Variants in SSH2 observed in about 807,000 individuals in gnomAD.
SSH2 encodes the protein protein phosphatase Slingshot homolog 2.
In SSH2, 37 loss-of-function variants were observed where a neutral mutation model predicts 135.2. That is an observed-to-expected ratio of 0.27 (90% confidence interval 0.21 to 0.36). The LOEUF is 0.36. Among genes scored for constraint, SSH2 ranks in the 10% least tolerant of loss-of-function variants. The pLI is 1.00. For missense variants in SSH2, 1,408 were observed against 1,765.3 expected, an observed-to-expected ratio of 0.80 and a Z score of 3.63; for synonymous variants, 628 against 646.2, an observed-to-expected ratio of 0.97 and a Z score of 0.43.
chr17:29,681,153 A>G (rs1378685268), intron 6 of SSH2, among the ~76,000 whole-genome samples: 1 of 151,678 alleles, frequency 6.6e-6, no homozygotes, highest in African/African-American at 2.4e-5. Flanking sequence ...CCTGGTCAAC[A>G]TGGTGAAACC....
At position 29,930,056 on chromosome 17, in the gene SSH2, G is replaced by T; in HGVS notation, c.-56C>A. 6.7e-7 allele frequency: 1 copy of T among 1,501,268 alleles called. No homozygotes were observed. The highest frequency in any genetic ancestry group is 1.9e-5 in the Admixed American group (1 of 51,594). The allele number at this position is 1,501,268 out of a possible 1,614,324, so 93.0% of individuals were successfully genotyped here. ...CATTCTTGTCCTGAGTGTGGGGGAC[G>T]GGAGGGTGACGGAGCCGGGATGGGG... On this transcript the variant is annotated 5_prime_UTR_variant, in exon 1 of 16. Transcript: ENST00000540801.
chr17:29,811,736 A>C (rs2042446305), intron 2 of SSH2, among the ~76,000 whole-genome samples: 1 of 151,810 alleles, frequency 6.6e-6, no homozygotes, highest in Admixed American at 6.6e-5. Context: ...GCCCAGCTAA[A>C]TTTTATTTTT....
intron 3 of SSH2, among the ~76,000 whole-genome samples, chr17:29,775,344 A>C (rs2041676701): frequency 6.8e-6 from 1 of 147,584 alleles, no homozygotes; most frequent in Non-Finnish European, 1.5e-5. Context: ...GCTGAAGTGC[A>C]CTGGCGCAAT....
At chr17:29,863,076 T>TA (rs2065792329) in intron 1 of SSH2, among the ~76,000 whole-genome samples, 1 of 151,966 alleles carries the variant, frequency 6.6e-6, no homozygotes, top group Non-Finnish European at 1.5e-5. Context: ...TGTTTTTTTT[T>TA]TAAAAAAAAG....
At chr17:29,901,888 A>T (rs2066563536) in intron 1 of SSH2, among the ~76,000 whole-genome samples, 1 of 151,994 alleles carries the variant, frequency 6.6e-6, no homozygotes, top group South Asian at 2.1e-4. Context: ...GGCTCAAATG[A>T]TCCTCTCACC....
chr17:29,726,334 G>C (rs1357920646), intron 3 of SSH2, among the ~76,000 whole-genome samples: 6 of 152,224 alleles, frequency 3.9e-5, no homozygotes, highest in Admixed American at 3.9e-4. Flanking sequence ...GGAAACAGTG[G>C]AGAGGGCTTC....
rs533836685 is a variant in SSH2 at position 29,629,579 on chromosome 17, C to A, written c.*1262G>T. 6.5e-6 allele frequency: 1 copy of A among 152,736 alleles called. No individual in the cohort carries two copies. The highest frequency in any genetic ancestry group is 1.9e-4 in the East Asian group (1 of 5,194). The allele number at this position is 152,736 out of a possible 1,614,324, so 9.5% of individuals were successfully genotyped here. On this transcript the variant is annotated 3_prime_UTR_variant, in exon 16 of 16. Coordinates refer to ENST00000540801, the MANE Select transcript of SSH2 (RefSeq NM_001282129.2). ...TGGTGTCTGTGTTTTCCAGTTGCAA[C>A]TCTACTCCTTCTTAAAAAGAATAAA...
In SSH2 at chr17:29,636,059, G is replaced by C; in HGVS notation, c.2171C>G (p.Ser724Cys). Residue 724 changes from serine (S) to cysteine (C), a missense_variant, in exon 15 of 16, where the codon TCC becomes TGC. This residue lies in a region of SSH2 where 1,080 missense variants were observed against 1,144.5 expected (regional missense o/e 0.94). Coordinates refer to ENST00000540801, the MANE Select transcript of SSH2 (RefSeq NM_001282129.2). The part of the protein sequence containing the change: ...CRLSVVEVAP[S>C]KVTADDQRSS... ...TCTCTGGTCATCAGCTGTCACTTTG[G>C]AAGGGGCTACTTCTACCACTGACAG... 1 of 1,614,176 alleles carries C rather than the reference G, an allele frequency of 6.2e-7. No homozygotes were observed.
Position 29,731,426 on chromosome 17 carries a change from TTTATTTATTTATTTA to T in SSH2, c.189-28379_189-28365del, listed in dbSNP as rs1567925264. ...TCATAGCAGAAGTATTTTTTATTTA[TTTATTTATTTATTTA>T]TTTATTTATTTATTTATTTATTTAT... is the stretch of plus-strand genomic sequence containing the variant. On this transcript the variant is annotated intron_variant, in intron 3 of 15. Coordinates refer to ENST00000540801, the MANE Select transcript of SSH2 (RefSeq NM_001282129.2). Among the ~76,000 whole-genome samples the T allele has an allele frequency of 2.8e-3, 248 of 89,602 alleles. 2 individuals are homozygous for T. The highest frequency in any genetic ancestry group is 6.3e-3 in the Middle Eastern group (1 of 158). The allele number at this position is 89,602 out of a possible 152,430, so 58.8% of individuals were successfully genotyped here. A position where few individuals can be genotyped will look rare whatever the true frequency, so the allele number is the denominator to read the frequency against.
intron 1 of SSH2, 65 bp downstream of exon 1, chr17:29,929,873 C>A: frequency 6.8e-7 from 1 of 1,466,252 alleles, no homozygotes; most frequent in Non-Finnish European, 9.3e-7. Context: ...TTCGGCGGGA[C>A]CCGCTGAGGC....
At chr17:29,909,275 C>T (rs2066721331) in intron 1 of SSH2, among the ~76,000 whole-genome samples, 1 of 151,982 alleles carries the variant, frequency 6.6e-6, no homozygotes, top group Non-Finnish European at 1.5e-5. Flanking sequence ...ACCTGTCCCC[C>T]TTTTTACTAA....
Position 29,718,550 on chromosome 17 carries a change from G to A in SSH2, c.189-15488C>T, listed in dbSNP as rs112706826. Among the ~76,000 whole-genome samples the A allele has an allele frequency of 2.8e-3, 424 of 152,082 alleles. 2 individuals carry two copies. The highest frequency in any genetic ancestry group is 9.7e-3 in the African/African-American group (403 of 41,500). ...GCTACAGTCCCGTCCTGGCTAACACGGTGAAACCTTGTCTCTACTAAAAAT... is the reference window on the plus strand; with the variant it reads ...GCTACAGTCCCGTCCTGGCTAACACAGTGAAACCTTGTCTCTACTAAAAAT... On this transcript the variant is annotated intron_variant, in intron 3 of 15. Coordinates refer to ENST00000540801, the MANE Select transcript of SSH2 (RefSeq NM_001282129.2).
chr17:29,901,291 AC>A (rs542641134), intron 1 of SSH2, among the ~76,000 whole-genome samples: 122 of 152,220 alleles, frequency 8.0e-4, no homozygotes, highest in South Asian at 1.5e-3. Context: ...TAAAAAAAAA[AC>A]AATGTTTTCT....
At chr17:29,686,534 T>G (rs533111846) in intron 5 of SSH2, among the ~76,000 whole-genome samples, 13 of 150,270 alleles carry the variant, frequency 8.7e-5, no homozygotes, top group Admixed American at 4.0e-4. Context: ...GCTAATTTTT[T>G]TTTTTTTTGT....
chr17:29,684,786 C>T, intron 5 of SSH2, 102 bp from the exon 6 acceptor site: 5 of 1,056,566 alleles, frequency 4.7e-6, no homozygotes, highest in Non-Finnish European at 5.4e-6. Context: ...CTCACGAAGG[C>T]AGCAGAGCCA....
At chr17:29,784,346 T>C (rs1405033961) in intron 3 of SSH2, among the ~76,000 whole-genome samples, 1 of 150,488 alleles carries the variant, frequency 6.6e-6, no homozygotes. Context: ...GATTGTGCCA[T>C]TGCATTCCAC....
chr17:29,722,273 C>CA (rs541297774), intron 3 of SSH2, among the ~76,000 whole-genome samples: 1,272 of 92,744 alleles, frequency 0.014, 10 homozygotes, highest in Middle Eastern at 0.034. Flanking sequence ...GACATTATCT[C>CA]AAAAAAAAAA....
At chr17:29,681,331 CAAAAAAAAAA>C (rs764461213) in intron 6 of SSH2, among the ~76,000 whole-genome samples, 33 of 14,356 alleles carry the variant, frequency 2.3e-3, no homozygotes, top group South Asian at 0.021. Context: ...GAGACTGTCT[CAAAAAAAAAA>C]AAAAAAAAAA....
intron 2 of SSH2, among the ~76,000 whole-genome samples, chr17:29,835,162 T>A (rs528179385): frequency 7.9e-5 from 12 of 152,162 alleles, no homozygotes; most frequent in Non-Finnish European, 1.5e-4. Flanking sequence ...CTAAGCAGGT[T>A]TATAATCCAG....
Sources: allele counts gnomAD v4.1 joint callset (sites outside exome capture counted in the v4.1 genomes callset), GRCh38; gene constraint gnomAD v4.1.1; regional missense constraint gnomAD v4.1.1; transcripts MANE v1.5; gene names NCBI Gene and HGNC (gene_info 2026-07-23, HGNC 2026-07-21).